KCNMA1: variants seen among roughly 807,000 people sequenced by gnomAD.
KCNMA1 encodes potassium calcium-activated channel subfamily M alpha 1.
A neutral mutation model predicts 140.0 loss-of-function variants in KCNMA1; 29 were observed. The ratio of observed to expected loss-of-function variants is 0.21; its 90% CI spans 0.15 to 0.28. The LOEUF (loss-of-function observed/expected upper bound fraction) is 0.28, where lower values mean the gene tolerates loss of function less well. KCNMA1 is among the 10% of genes least tolerant of loss of function. The pLI, the probability that KCNMA1 is intolerant of heterozygous loss-of-function variation, is 1.00. For synonymous variants in KCNMA1, 612 were observed against 611.9 expected, an observed-to-expected ratio of 1.00 and a Z score of 0.00; for missense variants, 880 against 1,602.2, an observed-to-expected ratio of 0.55 and a Z score of 7.70.
At chr10:77,048,586 G>A (rs761383036) in intron 14 of KCNMA1, among the ~76,000 whole-genome samples, 3 of 152,202 alleles carry the variant, frequency 2.0e-5, no homozygotes, top group South Asian at 2.1e-4. Context: ...GGAACTGTGC[G>A]TGGTACATAG....
intron 14 of KCNMA1, among the ~76,000 whole-genome samples, chr10:77,066,454 G>T (rs1369887101): frequency 2.6e-5 from 4 of 152,140 alleles, no homozygotes; most frequent in Middle Eastern, 3.2e-3. Flanking sequence ...AGTAAAATGA[G>T]CAAAGAACAG....
chr10:77,489,818 A>G (rs2098510258), intron 1 of KCNMA1, among the ~76,000 whole-genome samples: 1 of 152,250 alleles, frequency 6.6e-6, no homozygotes, highest in Non-Finnish European at 1.5e-5. Context: ...CACAGGTGAG[A>G]TGACAGTATC....
chr10:77,025,240 G>GGATATATA (rs2093294856), intron 16 of KCNMA1, among the ~76,000 whole-genome samples: 1 of 65,370 alleles, frequency 1.5e-5, no homozygotes, highest in Non-Finnish European at 3.0e-5. Context: ...AGGGGTGTGT[G>GGATATATA]TGTATATATA....
intron 1 of KCNMA1, chr10:77,635,280 A>C (rs1021704878): frequency 2.0e-5 from 3 of 152,208 alleles, no homozygotes; most frequent in African/African-American, 7.2e-5. Context: ...GTACCCCCTA[A>C]CATAAAAAGA....
At chr10:77,032,955 A>T (rs2094044249) in intron 15 of KCNMA1, among the ~76,000 whole-genome samples, 1 of 152,140 alleles carries the variant, frequency 6.6e-6, no homozygotes, top group Non-Finnish European at 1.5e-5. Flanking sequence ...TCAGGAAGAA[A>T]ATACAAAGAG....
At chr10:77,613,530 C>T (rs2087868762) in intron 1 of KCNMA1, among the ~76,000 whole-genome samples, 1 of 152,186 alleles carries the variant, frequency 6.6e-6, no homozygotes, top group Admixed American at 6.5e-5. Flanking sequence ...TTATAGGAGG[C>T]GGTTCAGACC....
At chr10:77,007,651 G>A (rs958678617) in intron 18 of KCNMA1, among the ~76,000 whole-genome samples, 1 of 8,398 alleles carries the variant, frequency 1.2e-4, no homozygotes, top group East Asian at 8.3e-4. Context: ...TATTGTGTGT[G>A]TGTATATATA....
At chr10:77,162,943 A>C (rs1235544038) in intron 5 of KCNMA1, among the ~76,000 whole-genome samples, 1 of 152,228 alleles carries the variant, frequency 6.6e-6, no homozygotes, top group Non-Finnish European at 1.5e-5. Context: ...TGACCCATCA[A>C]GGATAATGAT....
intron 18 of KCNMA1, among the ~76,000 whole-genome samples, chr10:77,007,653 G>GTGTGTGTGTGTATATATA: frequency 9.0e-5 from 8 of 88,482 alleles, no homozygotes; most frequent in African/African-American, 3.6e-4. Flanking sequence ...TTGTGTGTGT[G>GTGTGTGTGTGTATATATA]TATATATATA....
intron 1 of KCNMA1, among the ~76,000 whole-genome samples, chr10:77,623,218 T>C (rs1178009789): frequency 6.6e-6 from 1 of 152,220 alleles, no homozygotes; most frequent in Non-Finnish European, 1.5e-5. Context: ...TGATAACATT[T>C]CATCTCCTGA....
At chr10:77,025,269 T>A (rs1372693840) in intron 16 of KCNMA1, among the ~76,000 whole-genome samples, 1 of 115,184 alleles carries the variant, frequency 8.7e-6, no homozygotes, top group African/African-American at 3.5e-5. Flanking sequence ...TATATATATA[T>A]ATATATATAT....
chr10:77,025,209 A>G (rs1045459485), intron 16 of KCNMA1, among the ~76,000 whole-genome samples: 4 of 136,560 alleles, frequency 2.9e-5, no homozygotes, highest in South Asian at 2.5e-4. Flanking sequence ...GCTACTTCCA[A>G]TTTATGTACT....
At chr10:77,584,853 C>T (rs934114230) in intron 1 of KCNMA1, among the ~76,000 whole-genome samples, 3 of 152,200 alleles carry the variant, frequency 2.0e-5, no homozygotes, top group African/African-American at 4.8e-5. Context: ...ACCCAGCACT[C>T]GGCTGCACTT....
Position 76,891,548 on chromosome 10 carries a change from C to G in KCNMA1, c.3319G>C (p.Asp1107His). The G allele has an allele frequency of 1.2e-6, 2 of 1,613,588 alleles. No individual in the cohort carries two copies. Among genetic ancestry groups the G allele is most frequent in the Non-Finnish European group, 1.7e-6 (2 of 1,179,972 alleles). Residue 1107 changes from aspartate to histidine, a missense_variant, in exon 26 of 28, where the codon GAT becomes CAT. This residue lies in a region of KCNMA1 where 31 missense variants were observed against 38.8 expected (regional missense o/e 0.80). Transcript: ENST00000286628. ...ACCCCTAAGTCCGCAAATGGCCCATCGAGCAGAGCTAACTGGGCCACGCGG... is the reference window on the plus strand; with the variant it reads ...ACCCCTAAGTCCGCAAATGGCCCATGGAGCAGAGCTAACTGGGCCACGCGG... ...RCRVAQLALL[D>H]GPFADLGDGG...
intron 1 of KCNMA1, among the ~76,000 whole-genome samples, chr10:77,621,536 AC>A (rs2091382798): frequency 2.0e-5 from 3 of 152,008 alleles, no homozygotes; most frequent in African/African-American, 7.3e-5. Context: ...ACACACACAC[AC>A]ACACACACAC....
chr10:77,088,409 T>C (rs2096741637), intron 10 of KCNMA1, among the ~76,000 whole-genome samples: 1 of 152,166 alleles, frequency 6.6e-6, no homozygotes, highest in African/African-American at 2.4e-5. Context: ...ATCCTAGCAA[T>C]GGAAGCATGA....
intron 12 of KCNMA1, 70 bp from the exon 13 acceptor site, chr10:77,079,620 TAC>T: frequency 9.2e-7 from 1 of 1,089,778 alleles, no homozygotes; most frequent in East Asian, 2.4e-5. Flanking sequence ...AGATCAATTT[TAC>T]TGTCTCCAAA....
intron 5 of KCNMA1, among the ~76,000 whole-genome samples, chr10:77,145,139 C>T (rs1447161825): frequency 2.6e-5 from 4 of 152,154 alleles, no homozygotes; most frequent in Non-Finnish European, 5.9e-5. Context: ...ATCTGCCAGC[C>T]TCTTCCTAGG....
intron 1 of KCNMA1, among the ~76,000 whole-genome samples, chr10:77,561,088 T>C (rs1286941149): frequency 6.6e-6 from 1 of 151,432 alleles, no homozygotes; most frequent in Non-Finnish European, 1.5e-5. Flanking sequence ...ATAGCATAGA[T>C]CACAGATGAG....
Sources: gnomAD v4.1 joint callset for allele counts (sites outside exome capture counted in the v4.1 genomes callset) on GRCh38, gnomAD v4.1.1 for gene constraint, gnomAD v4.1.1 regional missense constraint, MANE v1.5 for transcripts, NCBI Gene and HGNC (gene_info 2026-07-23, HGNC 2026-07-21) for gene names.